Variants in RABL6 observed in about 807,000 individuals in gnomAD.
The protein encoded by RABL6 is RAB, member RAS oncogene family like 6.
In RABL6, 28 loss-of-function variants were observed where a neutral mutation model predicts 72.9. That is an observed-to-expected ratio of 0.38 (90% confidence interval 0.28 to 0.53). The LOEUF (loss-of-function observed/expected upper bound fraction) is 0.53. Among genes scored for constraint, RABL6 ranks in the 20% least tolerant of loss-of-function variants. The pLI is 0.80. For synonymous variants in RABL6, 477 were observed against 421.2 expected, an observed-to-expected ratio of 1.13 and a Z score of -1.62; for missense variants, 1,029 against 1,008.4, an observed-to-expected ratio of 1.02 and a Z score of -0.28.
intron 1 of RABL6, among the ~76,000 whole-genome samples, chr9:136,811,600 A>T (rs575900109): frequency 6.6e-6 from 1 of 150,652 alleles, no homozygotes; most frequent in African/African-American, 2.5e-5. Context: ...CCTGGGTGAC[A>T]GAGTCAGACC....
chr9:136,827,052 G>A (rs1848374825), intron 3 of RABL6: 1 of 152,452 alleles, frequency 6.6e-6, no homozygotes, highest in Non-Finnish European at 1.5e-5. Flanking sequence ...TGTGGGTGCA[G>A]AGGCCGCCTG....
chr9:136,808,512 G>T (rs1286884993), intron 1 of RABL6, 186 bp downstream of exon 1: 6 of 476,338 alleles, frequency 1.3e-5, no homozygotes, highest in Middle Eastern at 6.8e-4. Flanking sequence ...GGCCAGGGCC[G>T]GGTCCTCGCG....
intron 1 of RABL6, chr9:136,814,251 T>C: frequency 2.0e-5 from 4 of 195,186 alleles, no homozygotes. Context: ...AGTGCAATGG[T>C]GCTCACTGCA....
chr9:136,811,489 G>A (rs867689532), intron 1 of RABL6, among the ~76,000 whole-genome samples: 14 of 152,076 alleles, frequency 9.2e-5, no homozygotes, highest in Middle Eastern at 3.4e-3. Context: ...GTGATGGTGG[G>A]TGCCTGTAAT....
rs746477116 is a variant in RABL6 at position 136,829,534 on chromosome 9, C to T, written c.458+50C>T. The T allele has an allele frequency of 1.9e-5, 28 of 1,480,056 alleles. 1 individual carries two copies. The South Asian group carries it at 3.3e-4, about 17-fold the overall frequency. 91.7% of individuals were successfully genotyped at this position (1,480,056 alleles called of 1,614,324 possible). ...CTGCCTGTGACTCTCACCCCCCTAG[C>T]CCCTTGGGCGCCCTCTTTGTGCAGC... is the stretch of plus-strand genomic sequence containing the variant. On this transcript the variant is annotated intron_variant, in intron 5 of 14. Coordinates refer to ENST00000311502, the MANE Select transcript of RABL6 (RefSeq NM_024718.5).
intron 7 of RABL6, chr9:136,834,121 CCT>C (rs1330121225): frequency 3.0e-5 from 39 of 1,312,586 alleles, no homozygotes; most frequent in Non-Finnish European, 3.4e-5. Context: ...CAGCGGGACC[CCT>C]GTTTCCTCTT....
At chr9:136,815,560 A>G (rs1174017517) in intron 1 of RABL6, 2 of 214,680 alleles carry the variant, frequency 9.3e-6, no homozygotes, top group Non-Finnish European at 1.9e-5. Context: ...AGGATGGGAA[A>G]TCTTTGCAGG....
intron 1 of RABL6, among the ~76,000 whole-genome samples, chr9:136,815,701 A>T (rs2131161571): frequency 6.6e-6 from 1 of 152,282 alleles, no homozygotes; most frequent in African/African-American, 2.4e-5. Flanking sequence ...CCTGGTTAGG[A>T]GTTAAACCTT....
At chr9:136,831,387 G>A (rs551606741) in intron 5 of RABL6, among the ~76,000 whole-genome samples, 2 of 152,282 alleles carry the variant, frequency 1.3e-5, no homozygotes, top group South Asian at 4.1e-4. Flanking sequence ...GCGGAATGAG[G>A]GTGGACACAG....
rs767490371 is a variant in RABL6 at position 136,808,301 on chromosome 9, C to T, written c.105C>T (p.Arg35=). 2.8e-5 allele frequency: 44 copies of T among 1,560,394 alleles called. No individual in the cohort carries two copies. Among genetic ancestry groups the T allele is most frequent in the Non-Finnish European group, 3.8e-5 (44 of 1,155,184 alleles). Residue 35 remains arginine (R), a synonymous_variant, in exon 1 of 15, where the codon CGC becomes CGT. Transcript: ENST00000311502. ...CCATGAACCAGGCGTTGCAGAGGCG[C>T]TTCGCCAAGGGGGTGCAGTACAACA... ...LQSMNQALQR[R]FAKGVQYNMK...
intron 10 of RABL6, among the ~76,000 whole-genome samples, chr9:136,838,220 C>G (rs747591963): frequency 2.0e-5 from 3 of 152,230 alleles, no homozygotes; most frequent in Non-Finnish European, 4.4e-5. Context: ...GCCTGGCCAC[C>G]TGCTCTGCCC....
Position 136,840,377 on chromosome 9 carries a change from A to AGGAGGGCAAGGAGGAGCGG in RABL6, c.2046_2064dup (p.Arg689GlyfsTer24), listed in dbSNP as rs1383234610. ...AAACACAAGAAGAGCAAGGACAAGG[A>AGGAGGGCAAGGAGGAGCGG]GGAGGGCAAGGAGGAGCGGCGACGG... On this transcript the variant is annotated frameshift_variant, in exon 15 of 15. Coordinates refer to ENST00000311502, the MANE Select transcript of RABL6 (RefSeq NM_024718.5). LOFTEE classifies it low-confidence loss of function (END_TRUNC). 6.4e-7 allele frequency: 1 copy of AGGAGGGCAAGGAGGAGCGG among 1,554,242 alleles called. No individual in the cohort carries two copies. The highest frequency in any genetic ancestry group is 2.0e-5 in the Admixed American group (1 of 51,156).
intron 4 of RABL6, 133 bp downstream of exon 4, chr9:136,828,679 C>A: frequency 1.1e-6 from 1 of 905,522 alleles, no homozygotes; most frequent in Non-Finnish European, 1.7e-6. Flanking sequence ...CTGGCCTTCC[C>A]AACTGCTCTG....
intron 5 of RABL6, among the ~76,000 whole-genome samples, chr9:136,830,391 G>T (rs766419126): frequency 1.4e-4 from 21 of 152,264 alleles, no homozygotes; most frequent in Non-Finnish European, 1.9e-4. Flanking sequence ...TGCCCTCCCA[G>T]CCTTCAGCAC....
At chr9:136,820,864 G>A (rs1848222475) in intron 1 of RABL6, among the ~76,000 whole-genome samples, 1 of 152,162 alleles carries the variant, frequency 6.6e-6, no homozygotes. Context: ...GAAAAGTGCG[G>A]CCAAGACGTC....
At chr9:136,821,886 G>A in intron 1 of RABL6, 2 of 1,273,444 alleles carry the variant, frequency 1.6e-6, no homozygotes, top group Non-Finnish European at 2.0e-6. Context: ...CCCAGCCGGT[G>A]CGGCCGCCAC....
chr9:136,840,780 G>T lies in RABL6; in HGVS notation c.*258G>T. ...GCTCGGTGGACACCCTGGCCCTCTC[G>T]GGGCAGAGCCGCCAGTGTTTCTCAG... On this transcript the variant is annotated 3_prime_UTR_variant, in exon 15 of 15. Coordinates refer to ENST00000311502, the MANE Select transcript of RABL6 (RefSeq NM_024718.5). The T allele has an allele frequency of 6.5e-7, 1 of 1,547,908 alleles. No individual in the cohort carries two copies. Among genetic ancestry groups the T allele is most frequent in the Non-Finnish European group, 8.7e-7 (1 of 1,146,814 alleles).
intron 1 of RABL6, 66 bp from the exon 2 acceptor site, chr9:136,823,459 T>A: frequency 6.3e-7 from 1 of 1,590,902 alleles, no homozygotes. Context: ...TTGTAGTTGC[T>A]CTTAAAGCTG....
At chr9:136,821,433 C>T (rs1848234553) in intron 1 of RABL6, 1 of 985,430 alleles carries the variant, frequency 1.0e-6, no homozygotes, top group Non-Finnish European at 1.2e-6. Context: ...GCAGGGCCGC[C>T]GCTCAGGCCG....
Sources: gnomAD v4.1 joint callset for allele counts (sites outside exome capture counted in the v4.1 genomes callset) on GRCh38, gnomAD v4.1.1 for gene constraint, MANE v1.5 for transcripts, NCBI Gene and HGNC (gene_info 2026-07-23, HGNC 2026-07-21) for gene names.